Variants in LY86 observed in about 807,000 individuals in gnomAD.
LY86 encodes lymphocyte antigen 86, also known as MD-1, RP105-associated.
In LY86, 20 loss-of-function variants were observed where a neutral mutation model predicts 17.3. The ratio of observed to expected loss-of-function variants is 1.15; its 90% CI spans 0.81 to 1.68. The LOEUF (loss-of-function observed/expected upper bound fraction) is 1.68, where lower values mean the gene tolerates loss of function less well. LY86 is among the 40% of genes most tolerant of loss of function. The pLI is 0.00. For synonymous variants in LY86, 74 were observed against 70.6 expected, an observed-to-expected ratio of 1.05 and a Z score of -0.24; for missense variants, 200 against 191.9, an observed-to-expected ratio of 1.04 and a Z score of -0.25.
In LY86 at chr6:6,648,777, A is replaced by AC. The variant is rs1554126818; in HGVS notation, c.353-848_353-847insC. Among the ~76,000 whole-genome samples the AC allele has an allele frequency of 3.6e-5, 5 of 138,688 alleles. No individual in the cohort carries two copies. In the East Asian group the frequency reaches 1.0e-3, roughly 28 times the overall value. 91.0% of individuals were successfully genotyped at this position (138,688 alleles called of 152,430 possible). On this transcript the variant is annotated intron_variant, in intron 3 of 4. Coordinates refer to ENST00000230568, the MANE Select transcript of LY86 (RefSeq NM_004271.4). The stretch of plus-strand genomic sequence containing the variant: ...CTTACCCATCTTGGAAAAAAGAAAA[A>AC]AACAAGGAAACTGAGCCCAAAGAGA...
At chr6:6,636,085 G>A (rs1373793831) in intron 3 of LY86, among the ~76,000 whole-genome samples, 3 of 152,130 alleles carry the variant, frequency 2.0e-5, no homozygotes, top group Non-Finnish European at 4.4e-5. Flanking sequence ...TTCCAGTTTC[G>A]TACATCAGGT....
chr6:6,641,511 C>T (rs1340668646), intron 3 of LY86, among the ~76,000 whole-genome samples: 2 of 152,232 alleles, frequency 1.3e-5, no homozygotes, highest in African/African-American at 2.4e-5. Flanking sequence ...CACTCAGCTC[C>T]TGTCTTCTCC....
intron 4 of LY86, among the ~76,000 whole-genome samples, chr6:6,651,140 A>AC (rs1762180883): frequency 6.6e-6 from 1 of 152,228 alleles, no homozygotes; most frequent in African/African-American, 2.4e-5. Flanking sequence ...ACTTAGGTTG[A>AC]TTCCATGTCT....
intron 3 of LY86, among the ~76,000 whole-genome samples, chr6:6,642,053 A>G (rs928140027): frequency 6.6e-6 from 1 of 152,234 alleles, no homozygotes; most frequent in Admixed American, 6.5e-5. Flanking sequence ...AAGCATGCAG[A>G]GGGGCAGCCC....
intron 1 of LY86, among the ~76,000 whole-genome samples, chr6:6,590,118 TAAAAAAAAAAAAA>T (rs34637229): frequency 1.2e-5 from 1 of 80,576 alleles, no homozygotes; most frequent in South Asian, 6.1e-4. Context: ...AACTCTGTCT[TAAAAAAAAAAAAA>T]AAAAAAAAAA....
intron 1 of LY86, chr6:6,591,323 A>G (rs2113068477): frequency 6.5e-6 from 1 of 153,956 alleles, no homozygotes; most frequent in South Asian, 2.1e-4. Context: ...AGCCACTCAG[A>G]ATAAGAGATG....
intron 1 of LY86, among the ~76,000 whole-genome samples, chr6:6,590,114 G>A (rs10080344): frequency 0.42 from 45,045 of 107,882 alleles, 7,837 homozygotes; most frequent in Middle Eastern, 0.52. Flanking sequence ...GCGAAACTCT[G>A]TCTTAAAAAA....
At chr6:6,597,815 C>T (rs189000197) in intron 1 of LY86, among the ~76,000 whole-genome samples, 11 of 152,350 alleles carry the variant, frequency 7.2e-5, no homozygotes, top group Non-Finnish European at 1.5e-5. Flanking sequence ...AATCTCCACT[C>T]GCGTTTCCAA....
intron 1 of LY86, among the ~76,000 whole-genome samples, chr6:6,608,987 A>C (rs1761266598): frequency 6.6e-6 from 1 of 152,196 alleles, no homozygotes; most frequent in Admixed American, 6.5e-5. Context: ...CAGGAAGGGA[A>C]TGCTAGGGTG....
chr6:6,606,483 C>T (rs111343818), intron 1 of LY86, among the ~76,000 whole-genome samples: 10,272 of 152,282 alleles, frequency 0.067, 453 homozygotes, highest in Middle Eastern at 0.15. Flanking sequence ...ACTCCTCAGC[C>T]CTTGGGTGGT....
chr6:6,590,450 A>G (rs756938658), intron 1 of LY86, among the ~76,000 whole-genome samples: 2 of 152,182 alleles, frequency 1.3e-5, no homozygotes, highest in Admixed American at 6.5e-5. Flanking sequence ...TTTCTATTTA[A>G]TATTTTTGGA....
chr6:6,597,886 G>A (rs1275805113), intron 1 of LY86, among the ~76,000 whole-genome samples: 1 of 152,364 alleles, frequency 6.6e-6, no homozygotes, highest in Middle Eastern at 3.4e-3. Flanking sequence ...GCGTCCAAAG[G>A]CTCTCTTATT....
chr6:6,605,984 G>A (rs746540180), intron 1 of LY86, among the ~76,000 whole-genome samples: 4 of 152,172 alleles, frequency 2.6e-5, no homozygotes, highest in Middle Eastern at 3.2e-3. Flanking sequence ...GCGACCACCA[G>A]CAAAATTTAC....
At chr6:6,601,499 G>C (rs937225998) in intron 1 of LY86, among the ~76,000 whole-genome samples, 4 of 152,208 alleles carry the variant, frequency 2.6e-5, no homozygotes, top group Non-Finnish European at 5.9e-5. Flanking sequence ...GAGGCAGGCA[G>C]ATCACGAGGT....
At chr6:6,602,683 G>C (rs551666886) in intron 1 of LY86, among the ~76,000 whole-genome samples, 1 of 152,120 alleles carries the variant, frequency 6.6e-6, no homozygotes, top group Non-Finnish European at 1.5e-5. Context: ...ACCCTGGGGA[G>C]CCCTTGTGAA....
chr6:6,649,488 TGAA>T, intron 3 of LY86, 134 bp from the exon 4 acceptor site: 1 of 475,944 alleles, frequency 2.1e-6, no homozygotes, highest in Non-Finnish European at 3.6e-6. Context: ...GATCAGGAAA[TGAA>T]AACATTTCTA....
intron 1 of LY86, among the ~76,000 whole-genome samples, chr6:6,624,156 T>C (rs1034345127): frequency 1.3e-5 from 2 of 152,168 alleles, no homozygotes; most frequent in South Asian, 2.1e-4. Context: ...ATGTTGCCAC[T>C]CTGGCCTCAA....
At chr6:6,607,813 T>C (rs1761229328) in intron 1 of LY86, among the ~76,000 whole-genome samples, 1 of 151,556 alleles carries the variant, frequency 6.6e-6, no homozygotes, top group South Asian at 2.1e-4. Context: ...GGCAGGAGAA[T>C]CGCTTGAACC....
At chr6:6,605,956 G>C (rs939141231) in intron 1 of LY86, among the ~76,000 whole-genome samples, 2 of 151,996 alleles carry the variant, frequency 1.3e-5, no homozygotes, top group Non-Finnish European at 2.9e-5. Flanking sequence ...ACTCATAAAA[G>C]AAGCGTGGAC....
Sources: allele counts gnomAD v4.1 joint callset (sites outside exome capture counted in the v4.1 genomes callset), GRCh38; gene constraint gnomAD v4.1.1; transcripts MANE v1.5; gene names NCBI Gene and HGNC (gene_info 2026-07-23, HGNC 2026-07-21).